Variants in AMPH observed in about 807,000 individuals in gnomAD.
AMPH encodes amphiphysin (Stiff-Mann syndrome with breast cancer 128kD autoantigen).
In AMPH, 49 loss-of-function variants were observed where a neutral mutation model predicts 99.1. That is an observed-to-expected ratio of 0.49 (90% confidence interval 0.39 to 0.63). The LOEUF is 0.63. Among genes scored for constraint, AMPH ranks in the 20% least tolerant of loss-of-function variants. The pLI, the probability that AMPH is intolerant of heterozygous loss-of-function variation, is 0.00. For missense variants in AMPH, 759 were observed against 863.4 expected (o/e 0.88, Z 1.52); for synonymous variants, 314 against 317.3 (o/e 0.99, Z 0.11).
chr7:38,423,422 A>C (rs1360518490), intron 15 of AMPH, among the ~76,000 whole-genome samples: 1 of 152,296 alleles, frequency 6.6e-6, no homozygotes, highest in Non-Finnish European at 1.5e-5. Context: ...TGCCTGAAGA[A>C]ATTGACATCA....
intron 1 of AMPH, among the ~76,000 whole-genome samples, chr7:38,541,767 T>A (rs1330325957): frequency 6.6e-6 from 1 of 152,118 alleles, no homozygotes; most frequent in African/African-American, 2.4e-5. Context: ...CATACATGAG[T>A]AGGTTTATCC....
At chr7:38,529,053 C>G (rs1256956068) in intron 2 of AMPH, among the ~76,000 whole-genome samples, 3 of 152,140 alleles carry the variant, frequency 2.0e-5, no homozygotes, top group Non-Finnish European at 2.9e-5. Context: ...GAAACTCCTT[C>G]TCATTAAGGT....
At chr7:38,491,971 T>C (rs918033659) in intron 4 of AMPH, among the ~76,000 whole-genome samples, 1 of 152,204 alleles carries the variant, frequency 6.6e-6, no homozygotes, top group Non-Finnish European at 1.5e-5. Context: ...CCCAGTTATA[T>C]GAGTTGGCAA....
chr7:38,497,140 A>T (rs1174413662), intron 3 of AMPH, among the ~76,000 whole-genome samples: 1 of 152,168 alleles, frequency 6.6e-6, no homozygotes, highest in African/African-American at 2.4e-5. Context: ...TGATGGATAC[A>T]CAGGTGAAAG....
rs1792669110 is a variant in AMPH, at chr7:38,586,845, T to C, written c.69+44438A>G. 3.3e-5 allele frequency among the ~76,000 whole-genome samples: 5 copies of C among 152,376 alleles called. No individual in the cohort carries two copies. In the South Asian group the frequency reaches 6.2e-4, roughly 19 times the overall value. On this transcript the variant is annotated intron_variant, in intron 1 of 20. Coordinates refer to ENST00000356264, the MANE Select transcript of AMPH (RefSeq NM_001635.4). ...TCTCCAACAGGATAGATCTATTTTA[T>C]CTTCAACTTGCAGATGAAGAAACAG...
chr7:38,513,013 G>A (rs889048137), intron 2 of AMPH, among the ~76,000 whole-genome samples: 1 of 152,148 alleles, frequency 6.6e-6, no homozygotes, highest in African/African-American at 2.4e-5. Flanking sequence ...ATAGATAAAT[G>A]CAGAACAGTT....
chr7:38,559,487 T>C (rs747439997), intron 1 of AMPH, among the ~76,000 whole-genome samples: 3 of 152,088 alleles, frequency 2.0e-5, no homozygotes, highest in Non-Finnish European at 4.4e-5. Context: ...TCACTGACAA[T>C]AGGCTCACAT....
At chr7:38,437,684 G>C (rs1786330855) in intron 11 of AMPH, among the ~76,000 whole-genome samples, 1 of 150,630 alleles carries the variant, frequency 6.6e-6, no homozygotes. Flanking sequence ...CATGACCGTA[G>C]TCCCAGCTAC....
chr7:38,553,697 T>C (rs75333273), intron 1 of AMPH, among the ~76,000 whole-genome samples: 2,968 of 152,264 alleles, frequency 0.019, 101 homozygotes, highest in African/African-American at 0.068. Flanking sequence ...GGGCCTTGAG[T>C]ATTGCCAAAA....
intron 1 of AMPH, among the ~76,000 whole-genome samples, chr7:38,581,667 G>A (rs1032213586): frequency 1.7e-4 from 26 of 152,154 alleles, no homozygotes; most frequent in African/African-American, 3.4e-4. Context: ...GACAAGGGAC[G>A]GTTAAGAGGC....
intron 1 of AMPH, among the ~76,000 whole-genome samples, chr7:38,548,045 T>G (rs200821013): frequency 9.0e-6 from 1 of 111,332 alleles, no homozygotes; most frequent in Non-Finnish European, 2.0e-5. Context: ...TTTTTTTTTT[T>G]TGTGACAGAG....
rs114002837 is a variant in AMPH, at chr7:38,596,640, G to A, written c.69+34643C>T. 4.6e-3 allele frequency among the ~76,000 whole-genome samples: 693 copies of A among 152,196 alleles called. 4 individuals are homozygous for A. The highest frequency in any genetic ancestry group is 0.016 in the African/African-American group (648 of 41,528). The stretch of plus-strand genomic sequence containing the variant: ...CAATCAAACAAAAATGAAACGTGAC[G>A]GGAAGGGAAAGATGAGAAAGGATGG... On this transcript the variant is annotated intron_variant, in intron 1 of 20. Coordinates refer to ENST00000356264, the MANE Select transcript of AMPH (RefSeq NM_001635.4).
chr7:38,386,747 G>A (rs1261904900), intron 20 of AMPH, among the ~76,000 whole-genome samples: 4 of 152,168 alleles, frequency 2.6e-5, no homozygotes, highest in African/African-American at 9.7e-5. Flanking sequence ...ATAATGGGAT[G>A]GGTATAAATA....
At chr7:38,473,710 C>CAAAAAAAAAAAA in intron 7 of AMPH, among the ~76,000 whole-genome samples, 1 of 3,782 alleles carries the variant, frequency 2.6e-4, no homozygotes, top group Non-Finnish European at 4.1e-4. Flanking sequence ...GACTCCGTCT[C>CAAAAAAAAAAAA]AAAAAAAAAA....
At chr7:38,534,547 CACCTGTAA>C (rs969224017) in intron 2 of AMPH, among the ~76,000 whole-genome samples, 1 of 152,120 alleles carries the variant, frequency 6.6e-6, no homozygotes, top group African/African-American at 2.4e-5. Flanking sequence ...TGATGGTGTA[CACCTGTAA>C]TCCCAGCTAC....
intron 3 of AMPH, among the ~76,000 whole-genome samples, chr7:38,496,369 T>C (rs1265232222): frequency 6.6e-6 from 1 of 152,122 alleles, no homozygotes; most frequent in African/African-American, 2.4e-5. Context: ...AGCCAACATC[T>C]CCCTTCCCTC....
intron 1 of AMPH, among the ~76,000 whole-genome samples, chr7:38,574,379 C>T (rs550190104): frequency 3.0e-4 from 45 of 152,296 alleles, no homozygotes; most frequent in African/African-American, 9.1e-4. Context: ...TGCTCTCCAG[C>T]GGCCCCTCTC....
intron 6 of AMPH, 106 bp downstream of exon 6, chr7:38,476,756 C>A: frequency 1.4e-6 from 1 of 726,604 alleles, no homozygotes; most frequent in South Asian, 1.9e-5. Context: ...AAATTCTGTT[C>A]AGATTCCAAT....
chr7:38,460,979 A>G (rs1787415533), intron 11 of AMPH, among the ~76,000 whole-genome samples: 1 of 152,220 alleles, frequency 6.6e-6, no homozygotes, highest in African/African-American at 2.4e-5. Flanking sequence ...TAAATATGTA[A>G]AATATTTGGT....
Sources: allele counts gnomAD v4.1 joint callset (sites outside exome capture counted in the v4.1 genomes callset), GRCh38; gene constraint gnomAD v4.1.1; transcripts MANE v1.5; gene names NCBI Gene and HGNC (gene_info 2026-07-23, HGNC 2026-07-21).